The following INPP4B variants were observed in gnomAD, a reference collection of about 807,000 sequenced individuals.
The protein encoded by INPP4B is inositol polyphosphate 4-phosphatase type II.
A neutral mutation model predicts 122.5 loss-of-function variants in INPP4B; 55 were observed. That is an observed-to-expected ratio of 0.45 (90% CI 0.36 to 0.56). The LOEUF is 0.56. Ranked by LOEUF, INPP4B falls within the 20% of genes least tolerant of loss-of-function variation. The pLI is 0.00. For synonymous variants in INPP4B, 403 were observed against 388.7 expected, an observed-to-expected ratio of 1.04 and a Z score of -0.43; for missense variants, 1,000 against 1,097.7, an observed-to-expected ratio of 0.91 and a Z score of 1.26.
intron 18 of INPP4B, among the ~76,000 whole-genome samples, chr4:142,140,788 G>C (rs1256312059): frequency 6.6e-6 from 1 of 152,164 alleles, no homozygotes; most frequent in Non-Finnish European, 1.5e-5. Flanking sequence ...TTAGAAGCCT[G>C]AAGGATAGGT....
chr4:142,298,229 G>C (rs1051945410), intron 9 of INPP4B, among the ~76,000 whole-genome samples: 1 of 152,114 alleles, frequency 6.6e-6, no homozygotes, highest in African/African-American at 2.4e-5. Flanking sequence ...AGAAGAGTTG[G>C]GACTGTGGTA....
Position 142,314,605 on chromosome 4 carries a change from T to C in INPP4B, c.423+107A>G, listed in dbSNP as rs1209973322. ...TCCTTGAAGAGCCACACCCTGTTAATGTAATTCAATTTTATTTGTCAGTTA... is the reference window on the plus strand; with the variant it reads ...TCCTTGAAGAGCCACACCCTGTTAACGTAATTCAATTTTATTTGTCAGTTA... On this transcript the variant is annotated intron_variant, in intron 8 of 25. Transcript: ENST00000262992. 4.9e-6 allele frequency: 5 copies of C among 1,021,116 alleles called. No individual in the cohort carries two copies. In the Admixed American group the frequency reaches 8.6e-5, roughly 18 times the overall value. The allele number at this position is 1,021,116 out of a possible 1,614,324, so 63.3% of individuals were successfully genotyped here. A position where few individuals can be genotyped will look rare whatever the true frequency, so the allele number is the denominator to read the frequency against.
At chr4:142,736,933 G>T (rs1333485475) in intron 1 of INPP4B, among the ~76,000 whole-genome samples, 1 of 152,000 alleles carries the variant, frequency 6.6e-6, no homozygotes, top group Admixed American at 6.6e-5. Context: ...TTGGCTGTGG[G>T]TTTGTCATAG....
chr4:142,692,958 TAGAC>T (rs942839239), intron 2 of INPP4B, among the ~76,000 whole-genome samples: 7 of 90,898 alleles, frequency 7.7e-5, no homozygotes, highest in South Asian at 3.9e-4. Context: ...TAGATAGAGA[TAGAC>T]AGACAGACAG....
intron 25 of INPP4B, chr4:142,029,388 G>A: frequency 1.0e-6 from 1 of 983,998 alleles, no homozygotes; most frequent in Non-Finnish European, 1.2e-6. Flanking sequence ...TTTTAGCTGT[G>A]CAAGGAAGAG....
intron 23 of INPP4B, among the ~76,000 whole-genome samples, chr4:142,091,636 G>C (rs547592070): frequency 1.3e-5 from 2 of 152,214 alleles, no homozygotes; most frequent in African/African-American, 4.8e-5. Context: ...GACTATTCTC[G>C]TACCTCCCCA....
intron 2 of INPP4B, among the ~76,000 whole-genome samples, chr4:142,631,421 C>T (rs1747926621): frequency 6.6e-6 from 1 of 151,490 alleles, no homozygotes; most frequent in Admixed American, 6.6e-5. Context: ...GATAAAAATG[C>T]CAAAAAGAAG....
At chr4:142,568,904 T>C (rs1459855394) in intron 2 of INPP4B, among the ~76,000 whole-genome samples, 1 of 152,118 alleles carries the variant, frequency 6.6e-6, no homozygotes, top group Non-Finnish European at 1.5e-5. Flanking sequence ...AGTATGGTAA[T>C]TGCAAATGGA....
At position 142,320,666 on chromosome 4, in the gene INPP4B, A is replaced by T. The variant is rs754696003; in HGVS notation, c.373-5904T>A. Among the ~76,000 whole-genome samples the T allele has an allele frequency of 3.9e-4, 59 of 152,116 alleles. 1 individual carries two copies. The highest frequency in any genetic ancestry group is 6.9e-4 in the Non-Finnish European group (47 of 68,026). Reference sequence around the variant, plus strand: ...CTCACCCCACTCCCACCCTTCCCCAAGTCCCCAAAATCTACTTATCTTTCT... The same window carrying T: ...CTCACCCCACTCCCACCCTTCCCCATGTCCCCAAAATCTACTTATCTTTCT... On this transcript the variant is annotated intron_variant, in intron 7 of 25. Coordinates refer to ENST00000262992, the MANE Select transcript of INPP4B (RefSeq NM_001101669.3).
chr4:142,191,482 G>T (rs1251862565), intron 15 of INPP4B, among the ~76,000 whole-genome samples: 1 of 152,180 alleles, frequency 6.6e-6, no homozygotes, highest in Non-Finnish European at 1.5e-5. Flanking sequence ...GCAAAACCCT[G>T]TCTTCCACTC....
intron 1 of INPP4B, among the ~76,000 whole-genome samples, chr4:142,734,701 A>G (rs1193662995): frequency 6.6e-6 from 1 of 152,160 alleles, no homozygotes; most frequent in African/African-American, 2.4e-5. Context: ...GCTGGAGTGC[A>G]ATAGGGCGAT....
intron 25 of INPP4B, among the ~76,000 whole-genome samples, chr4:142,063,699 G>C (rs1762137578): frequency 6.6e-6 from 1 of 151,942 alleles, no homozygotes; most frequent in Non-Finnish European, 1.5e-5. Flanking sequence ...AAATCCCTAA[G>C]GCTTTTTAAA....
chr4:142,157,545 G>A (rs1817883392), intron 17 of INPP4B, among the ~76,000 whole-genome samples: 1 of 152,084 alleles, frequency 6.6e-6, no homozygotes, highest in Non-Finnish European at 1.5e-5. Context: ...GCTTAGAAAT[G>A]ACATTAAGGA....
intron 2 of INPP4B, among the ~76,000 whole-genome samples, chr4:142,693,964 T>A (rs1449600220): frequency 6.6e-6 from 1 of 152,154 alleles, no homozygotes; most frequent in Non-Finnish European, 1.5e-5. Context: ...TATGTCTACT[T>A]AATTACACTG....
At chr4:142,385,841 T>C (rs1480797297) in intron 7 of INPP4B, among the ~76,000 whole-genome samples, 1 of 152,192 alleles carries the variant, frequency 6.6e-6, no homozygotes, top group Non-Finnish European at 1.5e-5. Context: ...TTGATATATG[T>C]TCACATTGTG....
intron 7 of INPP4B, among the ~76,000 whole-genome samples, chr4:142,359,405 T>C (rs749072893): frequency 6.6e-6 from 1 of 151,918 alleles, no homozygotes; most frequent in Non-Finnish European, 1.5e-5. Context: ...ATTAAATAAT[T>C]ATAAATGCCT....
chr4:142,456,381 G>C (rs1015369525), intron 3 of INPP4B, among the ~76,000 whole-genome samples: 2 of 151,936 alleles, frequency 1.3e-5, no homozygotes, highest in African/African-American at 4.8e-5. Flanking sequence ...AGTTTTTCCA[G>C]CCTCATTTCC....
chr4:142,249,607 G>A (rs536576171), intron 11 of INPP4B, among the ~76,000 whole-genome samples: 1 of 152,138 alleles, frequency 6.6e-6, no homozygotes, highest in Non-Finnish European at 1.5e-5. Context: ...ACATTTGAGA[G>A]CCAAAAAGGA....
intron 2 of INPP4B, among the ~76,000 whole-genome samples, chr4:142,671,416 C>T (rs1282522661): frequency 6.6e-6 from 1 of 152,108 alleles, no homozygotes; most frequent in Non-Finnish European, 1.5e-5. Flanking sequence ...GATTCTGAAA[C>T]ACACTGTGTA....
Sources: gnomAD v4.1 joint callset for allele counts (sites outside exome capture counted in the v4.1 genomes callset) on GRCh38, gnomAD v4.1.1 for gene constraint, MANE v1.5 for transcripts, NCBI Gene and HGNC (gene_info 2026-07-23, HGNC 2026-07-21) for gene names.